The following RASSF8 variants were observed in gnomAD, a reference collection of about 807,000 sequenced individuals.
RASSF8 encodes ras association domain-containing protein 8.
Under a neutral mutation model 48.5 loss-of-function variants are expected in RASSF8, and 22 were observed. The ratio of observed to expected loss-of-function variants is 0.45; its 90% CI spans 0.32 to 0.65. The LOEUF is 0.65. Among genes scored for constraint, RASSF8 ranks in the 30% least tolerant of loss-of-function variants. The probability of loss-of-function intolerance (pLI) is 0.03; values close to 1 mark genes in which losing one functional copy is unlikely to be tolerated. For missense variants in RASSF8, 418 were observed against 489.2 expected, an observed-to-expected ratio of 0.85 and a Z score of 1.37; for synonymous variants, 127 against 171.5, an observed-to-expected ratio of 0.74 and a Z score of 2.03.
chr12:25,964,552 T>G (rs74072269), intron 1 of RASSF8, among the ~76,000 whole-genome samples: 5,448 of 152,286 alleles, frequency 0.036, 306 homozygotes, highest in African/African-American at 0.12. Flanking sequence ...CATTGGCTCG[T>G]GAGTGCTAAA....
intron 3 of RASSF8, among the ~76,000 whole-genome samples, chr12:26,057,286 G>A (rs543967784): frequency 6.4e-4 from 97 of 151,958 alleles, no homozygotes; most frequent in African/African-American, 2.0e-3. Context: ...CCATCCCCCC[G>A]CCCCACAACA....
In RASSF8 at chr12:26,070,530, A is replaced by C. The variant is rs997655874; in HGVS notation, c.*1712A>C. On this transcript the variant is annotated 3_prime_UTR_variant, in exon 6 of 6. Transcript: ENST00000689635. ...GTTACTTTGCAAATAACTGAAGTAAATGATTCTTACCTAAATAACCACAAC... is the reference window on the plus strand; with the variant it reads ...GTTACTTTGCAAATAACTGAAGTAACTGATTCTTACCTAAATAACCACAAC... 1.3e-5 allele frequency: 13 copies of C among 983,496 alleles called. No individual in the cohort carries two copies. In the Admixed American group the frequency reaches 4.9e-4, roughly 37 times the overall value. The allele number at this position is 983,496 out of a possible 1,614,324, so 60.9% of individuals were successfully genotyped here.
At chr12:26,079,628 T>C (rs1944100862) in exon 6 of RASSF8, 1 of 149,610 alleles carries the variant, frequency 6.7e-6, no homozygotes, top group Non-Finnish European at 1.5e-5. Context: ...AAAGAAGACA[T>C]AAAAACAGCC....
intron 2 of RASSF8, among the ~76,000 whole-genome samples, chr12:26,051,991 C>CA (rs1943501650): frequency 6.6e-6 from 1 of 152,154 alleles, no homozygotes; most frequent in Non-Finnish European, 1.5e-5. Context: ...ACAAAACTCA[C>CA]AAAAAACATG....
rs920949398 is a variant in RASSF8 at position 26,070,725 on chromosome 12, T to G, written c.*1907T>G. 6.4e-6 allele frequency: 6 copies of G among 940,190 alleles called. No individual in the cohort carries two copies. Among genetic ancestry groups the G allele is most frequent in the Non-Finnish European group, 7.5e-6 (6 of 796,894 alleles). 58.2% of individuals were successfully genotyped at this position (940,190 alleles called of 1,614,324 possible). A position where few individuals can be genotyped will look rare whatever the true frequency, so the allele number is the denominator to read the frequency against. ...TCTGTATAAAGTCATTTTGTTGTTG[T>G]TCAGAGAAATCAAGATCTTATTCAC... On this transcript the variant is annotated 3_prime_UTR_variant, in exon 6 of 6. Transcript: ENST00000689635.
chr12:26,046,672 T>TA (rs5797158), intron 2 of RASSF8, among the ~76,000 whole-genome samples: 2 of 151,842 alleles, frequency 1.3e-5, no homozygotes, highest in Admixed American at 6.6e-5. Context: ...CCCATCTCTT[T>TA]AAAAAAAAAT....
rs192524286 is a variant in RASSF8, at chr12:26,068,458, A to C, written c.1139-239A>C. Among the ~76,000 whole-genome samples, 919 of 152,304 alleles carry C rather than the reference A, an allele frequency of 6.0e-3. 4 individuals carry two copies. The highest frequency in any genetic ancestry group is 0.021 in the African/African-American group (864 of 41,572). ...TGCATATGGTGTGAACAACCAAAAA[A>C]AGAAGCAGAATATTCACCTTTTGTA... is the stretch of plus-strand genomic sequence containing the variant. On this transcript the variant is annotated intron_variant, in intron 5 of 5. Transcript: ENST00000689635.
At chr12:26,054,133 ATC>A (rs1462932547) in intron 2 of RASSF8, among the ~76,000 whole-genome samples, 1 of 152,220 alleles carries the variant, frequency 6.6e-6, no homozygotes, top group Non-Finnish European at 1.5e-5. Context: ...TGTTTATTAT[ATC>A]TCATGAATTT....
intron 2 of RASSF8, among the ~76,000 whole-genome samples, chr12:26,018,336 CTT>C (rs770502905): frequency 5.9e-5 from 9 of 151,844 alleles, no homozygotes; most frequent in Non-Finnish European, 1.2e-4. Flanking sequence ...GCTCTAGAAC[CTT>C]TTTTTAATAA....
chr12:25,985,362 A>G (rs907063778), intron 1 of RASSF8, among the ~76,000 whole-genome samples: 2 of 152,224 alleles, frequency 1.3e-5, no homozygotes, highest in Non-Finnish European at 2.9e-5. Context: ...TCTGCTGTCC[A>G]CAGCTCCTGA....
chr12:26,076,600 C>A (rs1013161958), downstream of RASSF8, among the ~76,000 whole-genome samples: 2 of 151,954 alleles, frequency 1.3e-5, no homozygotes, highest in Non-Finnish European at 2.9e-5. Flanking sequence ...TCAACTCATC[C>A]TTTTTTTATG....
intron 2 of RASSF8, among the ~76,000 whole-genome samples, chr12:26,031,909 T>C (rs927662512): frequency 6.6e-6 from 1 of 152,226 alleles, no homozygotes; most frequent in African/African-American, 2.4e-5. Flanking sequence ...CTTATAAATA[T>C]GTTTCAAAAT....
chr12:25,998,330 A>G (rs529006449), intron 2 of RASSF8, among the ~76,000 whole-genome samples: 4 of 146,836 alleles, frequency 2.7e-5, no homozygotes, highest in African/African-American at 1.0e-4. Context: ...ACTGTAGAAT[A>G]TTGTTTCTGA....
At chr12:26,015,865 G>C (rs537834227) in intron 2 of RASSF8, among the ~76,000 whole-genome samples, 7 of 152,118 alleles carry the variant, frequency 4.6e-5, no homozygotes, top group African/African-American at 1.7e-4. Context: ...TAAGAATAAA[G>C]CTGTGCATAC....
At chr12:25,971,537 C>T (rs1249452614) in intron 1 of RASSF8, among the ~76,000 whole-genome samples, 1 of 151,778 alleles carries the variant, frequency 6.6e-6, no homozygotes, top group Non-Finnish European at 1.5e-5. Context: ...ATCCTTTGCC[C>T]TCCAGGAGTC....
At chr12:26,062,182 T>G (rs1006526765) in intron 3 of RASSF8, among the ~76,000 whole-genome samples, 2 of 152,212 alleles carry the variant, frequency 1.3e-5, no homozygotes, top group Admixed American at 1.3e-4. Context: ...GTAAGATTCC[T>G]AAAAGCAGTT....
In RASSF8 at chr12:26,071,815, A is replaced by G. The variant is rs1591824874; in HGVS notation, c.*2997A>G. The G allele has an allele frequency of 2.4e-4, 11 of 46,400 alleles. No homozygotes were observed. The highest frequency in any genetic ancestry group is 3.4e-4 in the Non-Finnish European group (11 of 32,096). 2.9% of individuals were successfully genotyped at this position (46,400 alleles called of 1,614,324 possible). A position where few individuals can be genotyped will look rare whatever the true frequency, so the allele number is the denominator to read the frequency against. On this transcript the variant is annotated 3_prime_UTR_variant, in exon 6 of 6. Transcript: ENST00000689635. Reference sequence around the variant, plus strand: ...AGAGTAAAAACTATATAAATACAGTAAAAAAAAAATAGAATTTATGGTGTG... The same window carrying G: ...AGAGTAAAAACTATATAAATACAGTGAAAAAAAAATAGAATTTATGGTGTG...
At chr12:25,980,887 C>T (rs754854030) in intron 1 of RASSF8, among the ~76,000 whole-genome samples, 2 of 152,102 alleles carry the variant, frequency 1.3e-5, no homozygotes, top group Non-Finnish European at 2.9e-5. Context: ...CATCCTGTCT[C>T]CTTTAACAAA....
intron 1 of RASSF8, among the ~76,000 whole-genome samples, chr12:25,964,765 C>T (rs1021775595): frequency 2.0e-5 from 3 of 152,062 alleles, no homozygotes; most frequent in African/African-American, 7.2e-5. Context: ...GTAAAAATAC[C>T]AGTGAGAAAT....
Sources: allele counts gnomAD v4.1 joint callset (sites outside exome capture counted in the v4.1 genomes callset), GRCh38; gene constraint gnomAD v4.1.1; transcripts MANE v1.5; gene names NCBI Gene and HGNC (gene_info 2026-07-23, HGNC 2026-07-21).